Variants in CCDC141 observed in about 807,000 individuals in gnomAD.
CCDC141 encodes the protein coiled-coil domain-containing protein 141.
A neutral mutation model predicts 181.0 loss-of-function variants in CCDC141; 168 were observed. The ratio of observed to expected loss-of-function variants is 0.93; its 90% CI spans 0.82 to 1.05. The LOEUF is 1.05. Ranked by LOEUF, CCDC141 falls within the 50% of genes least tolerant of loss-of-function variation. The pLI, the probability that CCDC141 is intolerant of heterozygous loss-of-function variation, is 0.00. For synonymous variants in CCDC141, 666 were observed against 642.3 expected (o/e 1.04, Z -0.56); for missense variants, 1,902 against 1,788.5 (o/e 1.06, Z -1.14).
chr2:179,012,891 A>T (rs143473884), intron 2 of CCDC141, among the ~76,000 whole-genome samples: 183 of 152,300 alleles, frequency 1.2e-3, no homozygotes, highest in African/African-American at 4.1e-3. Context: ...TAGATGCAGA[A>T]AAAGCACTCA....
intron 7 of CCDC141, among the ~76,000 whole-genome samples, chr2:178,916,144 G>A (rs1438288770): frequency 6.6e-6 from 1 of 152,140 alleles, no homozygotes; most frequent in Admixed American, 6.5e-5. Flanking sequence ...GAACAGGAAT[G>A]TTCACAATTA....
At chr2:178,995,441 C>T (rs934521938) in intron 2 of CCDC141, among the ~76,000 whole-genome samples, 1 of 152,156 alleles carries the variant, frequency 6.6e-6, no homozygotes, top group Non-Finnish European at 1.5e-5. Context: ...CCACCAGGTC[C>T]CTCCCACAAC....
At chr2:178,976,458 G>A (rs537994988) in intron 3 of CCDC141, among the ~76,000 whole-genome samples, 1 of 152,286 alleles carries the variant, frequency 6.6e-6, no homozygotes, top group East Asian at 1.9e-4. Context: ...ACAGAATGAT[G>A]AGAGAGAGAC....
chr2:178,891,308 T>C (rs528373766), intron 8 of CCDC141, among the ~76,000 whole-genome samples: 3 of 152,242 alleles, frequency 2.0e-5, no homozygotes, highest in South Asian at 2.1e-4. Context: ...CTGAGTAGGA[T>C]TGTTATCCCC....
Position 178,872,207 on chromosome 2 carries a change from C to T in CCDC141, c.2005G>A (p.Ala669Thr). 3 of 1,613,978 alleles carry T rather than the reference C, an allele frequency of 1.9e-6. No individual in the cohort carries two copies. The highest frequency in any genetic ancestry group is 2.2e-5 in the South Asian group (2 of 91,072). Reference sequence around the variant, plus strand: ...CTTTCCGTGGCTTTAAGCTGCCATGCCAGCCGAAGGAGGCTAAGTTCTTCC... The same window carrying T: ...CTTTCCGTGGCTTTAAGCTGCCATGTCAGCCGAAGGAGGCTAAGTTCTTCC... ...EREELSLLRL[A>T]WQLKATESKP... Residue 669 changes from alanine (A) to threonine (T), a missense_variant, in exon 13 of 24, where the codon GCA becomes ACA. Transcript: ENST00000443758.
intron 1 of CCDC141, among the ~76,000 whole-genome samples, chr2:179,048,009 C>G (rs1202721907): frequency 6.6e-6 from 1 of 152,076 alleles, no homozygotes; most frequent in East Asian, 1.9e-4. Context: ...AAAATATTAA[C>G]AAAATTAGAT....
At chr2:178,899,603 C>A (rs915427259) in intron 8 of CCDC141, among the ~76,000 whole-genome samples, 4 of 152,074 alleles carry the variant, frequency 2.6e-5, no homozygotes, top group Non-Finnish European at 5.9e-5. Flanking sequence ...ATTCCTTTAA[C>A]GTGAAGTCTT....
At chr2:178,923,919 C>A (rs1318406387) in intron 6 of CCDC141, among the ~76,000 whole-genome samples, 1 of 152,148 alleles carries the variant, frequency 6.6e-6, no homozygotes, top group Non-Finnish European at 1.5e-5. Flanking sequence ...TCCTTCCCCC[C>A]ACTGCTAGTC....
intron 3 of CCDC141, among the ~76,000 whole-genome samples, 159 bp downstream of exon 3, chr2:178,978,325 T>C (rs1337057618): frequency 2.0e-5 from 3 of 152,260 alleles, no homozygotes; most frequent in African/African-American, 7.2e-5. Flanking sequence ...ATTTTGTTTT[T>C]TGACAATCAA....
chr2:178,993,818 C>T (rs1308804502), intron 2 of CCDC141, among the ~76,000 whole-genome samples: 1 of 152,058 alleles, frequency 6.6e-6, no homozygotes, highest in African/African-American at 2.4e-5. Context: ...ACAGCCATTC[C>T]AAATAGGATA....
chr2:178,865,779 G>A lies in CCDC141; in HGVS notation c.2712C>T (p.Asp904=), dbSNP rs142544322. The change falls in exon 17 of 24, where the codon GAC becomes GAT. Residue 904 remains aspartate (D), a synonymous_variant. Coordinates refer to ENST00000443758, the MANE Select transcript of CCDC141 (RefSeq NM_173648.4). ...SRSVEYCAMR[D]EINELKDSFK... ...CTCCCACACCCACCTCATTTATCTC[G>A]TCTCTCATGGCGCAGTACTCCACAC... is the stretch of plus-strand genomic sequence containing the variant. The A allele has an allele frequency of 5.0e-5, 77 of 1,540,976 alleles. No homozygotes were observed. The highest frequency in any genetic ancestry group is 3.0e-4 in the South Asian group (24 of 78,946).
intron 5 of CCDC141, among the ~76,000 whole-genome samples, chr2:178,954,565 A>T (rs1690081200): frequency 6.6e-6 from 1 of 152,208 alleles, no homozygotes; most frequent in African/African-American, 2.4e-5. Flanking sequence ...GAACTATTTT[A>T]GTTCAAAAGC....
At chr2:178,822,362 A>G in the CCDC141 span, among the ~76,000 whole-genome samples, 6 of 151,894 alleles carry the variant, frequency 4.0e-5, no homozygotes, top group Non-Finnish European at 8.8e-5. Flanking sequence ...CACATGTAAC[A>G]AACCTGCATG....
intron 2 of CCDC141, among the ~76,000 whole-genome samples, chr2:178,981,164 C>T (rs1342421961): frequency 6.6e-6 from 1 of 152,074 alleles, no homozygotes; most frequent in African/African-American, 2.4e-5. Flanking sequence ...ACTTCAACAT[C>T]CTTCTATCAG....
chr2:178,911,830 C>T lies in CCDC141; in HGVS notation c.1093-6329G>A, dbSNP rs538804337. Among the ~76,000 whole-genome samples, 3 of 152,278 alleles carry T rather than the reference C, an allele frequency of 2.0e-5. No individual in the cohort carries two copies. In the South Asian group the frequency reaches 6.2e-4, roughly 32 times the overall value. ...GATACAAAACAAGCAATTAGTGCTG[C>T]CTGGAGATGTCTCAGAGGAGGCACT... is the stretch of plus-strand genomic sequence containing the variant. On this transcript the variant is annotated intron_variant, in intron 7 of 23. Coordinates refer to ENST00000443758, the MANE Select transcript of CCDC141 (RefSeq NM_173648.4).
chr2:178,941,998 A>G (rs1261853568), intron 6 of CCDC141, among the ~76,000 whole-genome samples: 1 of 143,022 alleles, frequency 7.0e-6, no homozygotes, highest in Non-Finnish European at 1.5e-5. Flanking sequence ...AAAAAAAAAA[A>G]AAAGGGAAAA....
intron 2 of CCDC141, among the ~76,000 whole-genome samples, chr2:179,029,965 C>T (rs932358490): frequency 3.3e-5 from 5 of 152,198 alleles, no homozygotes; most frequent in African/African-American, 1.2e-4. Flanking sequence ...GGAGAACAGG[C>T]TTTACCAGAG....
At chr2:179,022,635 C>T (rs894932667) in intron 2 of CCDC141, among the ~76,000 whole-genome samples, 10 of 152,220 alleles carry the variant, frequency 6.6e-5, no homozygotes, top group Non-Finnish European at 1.5e-5. Flanking sequence ...TGTCTTTCAT[C>T]TGGGGACTTA....
At chr2:179,004,883 C>T (rs973430683) in intron 2 of CCDC141, among the ~76,000 whole-genome samples, 1 of 152,120 alleles carries the variant, frequency 6.6e-6, no homozygotes, top group Non-Finnish European at 1.5e-5. Flanking sequence ...AGGCACACGC[C>T]AGTGTGCCTG....
Sources: gnomAD v4.1 joint callset for allele counts (sites outside exome capture counted in the v4.1 genomes callset) on GRCh38, gnomAD v4.1.1 for gene constraint, MANE v1.5 for transcripts, NCBI Gene and HGNC (gene_info 2026-07-23, HGNC 2026-07-21) for gene names.